ODAD2: variants seen among roughly 807,000 people sequenced by gnomAD.
The protein encoded by ODAD2 is outer dynein arm-docking complex subunit 2.
Under a neutral mutation model 106.8 loss-of-function variants are expected in ODAD2, and 89 were observed. The ratio of observed to expected loss-of-function variants is 0.83; its 90% CI spans 0.70 to 0.99. ODAD2 has a LOEUF of 0.99. ODAD2 is among the 50% of genes least tolerant of loss of function. ODAD2 has a pLI of 0.00. For synonymous variants in ODAD2, 404 were observed against 436.2 expected (o/e 0.93, Z 0.92); for missense variants, 1,168 against 1,238.5 (o/e 0.94, Z 0.85).
chr10:27,872,933 C>G (rs1440698096), intron 17 of ODAD2, among the ~76,000 whole-genome samples: 1 of 152,062 alleles, frequency 6.6e-6, no homozygotes, highest in African/African-American at 2.4e-5. Flanking sequence ...AAGGAATGGT[C>G]CCCGCTCCTC....
intron 16 of ODAD2, among the ~76,000 whole-genome samples, chr10:27,924,480 C>A (rs1251381929): frequency 6.8e-6 from 1 of 146,086 alleles, no homozygotes; most frequent in African/African-American, 2.5e-5. Context: ...CAAAAGAGAC[C>A]AAAATGAATA....
Position 27,984,166 on chromosome 10 carries a change from C to G in ODAD2, c.682+18G>C, listed in dbSNP as rs188215744. 89 of 1,567,894 alleles carry G rather than the reference C, an allele frequency of 5.7e-5. No homozygotes were observed. In the African/African-American group the frequency reaches 8.0e-4, roughly 14 times the overall value. On this transcript the variant is annotated intron_variant, in intron 5 of 19. Coordinates refer to ENST00000305242, the MANE Select transcript of ODAD2 (RefSeq NM_018076.5). ...GAAAATGTAAATAACATAAAATGAGCCTGAGAAAACATCAAACCTGAGGTA... is the reference window on the plus strand; with the variant it reads ...GAAAATGTAAATAACATAAAATGAGGCTGAGAAAACATCAAACCTGAGGTA...
intron 10 of ODAD2, 140 bp downstream of exon 10, chr10:27,961,428 C>A (rs1429833760): frequency 2.4e-6 from 2 of 833,004 alleles, no homozygotes; most frequent in Non-Finnish European, 3.7e-6. Flanking sequence ...CCTTGCCCTG[C>A]ACAAACTTAG....
chr10:27,977,550 G>A (rs142740541), intron 7 of ODAD2, among the ~76,000 whole-genome samples: 2,708 of 152,110 alleles, frequency 0.018, 79 homozygotes, highest in African/African-American at 0.062. Flanking sequence ...CAGCCTGAGT[G>A]ACAGAGGGAG....
intron 17 of ODAD2, among the ~76,000 whole-genome samples, chr10:27,898,423 C>T (rs1161386589): frequency 6.6e-6 from 1 of 151,988 alleles, no homozygotes; most frequent in East Asian, 1.9e-4. Flanking sequence ...TATTTCATTC[C>T]TTACATTATC....
At chr10:27,970,622 G>A (rs1210796418) in intron 8 of ODAD2, among the ~76,000 whole-genome samples, 1 of 152,054 alleles carries the variant, frequency 6.6e-6, no homozygotes, top group Non-Finnish European at 1.5e-5. Flanking sequence ...GAATCAACCT[G>A]CGCCTTGGAG....
At chr10:27,813,770 T>C (rs942820812) in intron 19 of ODAD2, among the ~76,000 whole-genome samples, 4 of 152,152 alleles carry the variant, frequency 2.6e-5, no homozygotes, top group African/African-American at 7.2e-5. Flanking sequence ...ATGATCATAT[T>C]TGTATTTTAG....
At chr10:27,974,086 A>C (rs1378145412) in intron 7 of ODAD2, among the ~76,000 whole-genome samples, 1 of 152,184 alleles carries the variant, frequency 6.6e-6, no homozygotes, top group Non-Finnish European at 1.5e-5. Flanking sequence ...TCTTCTTTTG[A>C]AAAGTATCTG....
At chr10:27,963,197 G>A (rs945241519) in intron 9 of ODAD2, among the ~76,000 whole-genome samples, 25 of 151,852 alleles carry the variant, frequency 1.6e-4, no homozygotes, top group East Asian at 3.9e-4. Context: ...TAGTAGTGAC[G>A]GGATTTTCAC....
chr10:27,941,596 G>T (rs985766467), intron 12 of ODAD2, among the ~76,000 whole-genome samples: 32 of 114,928 alleles, frequency 2.8e-4, no homozygotes, highest in South Asian at 2.2e-3. Flanking sequence ...CCAGCATCCA[G>T]TTTTTTTTTT....
intron 10 of ODAD2, among the ~76,000 whole-genome samples, chr10:27,960,004 C>T (rs1848012082): frequency 6.6e-6 from 1 of 151,852 alleles, no homozygotes; most frequent in South Asian, 2.1e-4. Context: ...GAAACATTAA[C>T]ACAAAATAAA....
chr10:27,923,950 GAAAGA>G (rs1214889749), intron 16 of ODAD2, among the ~76,000 whole-genome samples: 3 of 37,734 alleles, frequency 8.0e-5, no homozygotes, highest in Non-Finnish European at 1.5e-4. Flanking sequence ...TCTAATGAAA[GAAAGA>G]AAGAAAGAAA....
intron 17 of ODAD2, among the ~76,000 whole-genome samples, chr10:27,891,371 GT>G (rs1842551412): frequency 6.7e-6 from 1 of 149,790 alleles, no homozygotes; most frequent in South Asian, 2.1e-4. Context: ...AATTACTAGA[GT>G]TTTTTGTTTT....
At chr10:27,954,383 A>G (rs1397376130) in intron 10 of ODAD2, among the ~76,000 whole-genome samples, 1 of 152,230 alleles carries the variant, frequency 6.6e-6, no homozygotes, top group East Asian at 1.9e-4. Context: ...AAGCTGCCTT[A>G]GATATCACAG....
Position 27,916,135 on chromosome 10 carries a change from G to A in ODAD2, c.2496-8358C>T, listed in dbSNP as rs1229379062. ...AATATCCCCACTGAGAATTAGCCTGGTATGTGGGGACAGAGACTGAAAAGT... is the reference window on the plus strand; with the variant it reads ...AATATCCCCACTGAGAATTAGCCTGATATGTGGGGACAGAGACTGAAAAGT... On this transcript the variant is annotated intron_variant, in intron 16 of 19. Coordinates refer to ENST00000305242, the MANE Select transcript of ODAD2 (RefSeq NM_018076.5). Among the ~76,000 whole-genome samples, 5 of 152,090 alleles carry A rather than the reference G, an allele frequency of 3.3e-5. No homozygotes were observed. The East Asian group carries it at 9.7e-4, about 29-fold the overall frequency.
chr10:27,901,180 T>A (rs1426585649), intron 17 of ODAD2, among the ~76,000 whole-genome samples: 2 of 152,182 alleles, frequency 1.3e-5, no homozygotes, highest in Non-Finnish European at 2.9e-5. Context: ...AAGAAAAGAA[T>A]TTTCAACCCA....
intron 10 of ODAD2, among the ~76,000 whole-genome samples, chr10:27,960,855 C>T (rs886127394): frequency 6.6e-6 from 1 of 152,104 alleles, no homozygotes; most frequent in East Asian, 1.9e-4. Context: ...TACTTCTGGA[C>T]GTCGGCTTTA....
intron 19 of ODAD2, among the ~76,000 whole-genome samples, chr10:27,845,484 C>A (rs1457854384): frequency 3.9e-5 from 6 of 152,168 alleles, no homozygotes; most frequent in African/African-American, 1.2e-4. Flanking sequence ...AATGTAAAGA[C>A]CATCGATGCT....
In ODAD2 at chr10:27,931,084, A is replaced by T. The variant is rs572559654; in HGVS notation, c.2495+3926T>A. Reference sequence around the variant, plus strand: ...TGATGGCAAAGTCTTCACTTCTTCCAAGACCCATTCAATTCCCCTAATCTC... The same window carrying T: ...TGATGGCAAAGTCTTCACTTCTTCCTAGACCCATTCAATTCCCCTAATCTC... On this transcript the variant is annotated intron_variant, in intron 16 of 19. Coordinates refer to ENST00000305242, the MANE Select transcript of ODAD2 (RefSeq NM_018076.5). Among the ~76,000 whole-genome samples, 11 of 152,132 alleles carry T rather than the reference A, an allele frequency of 7.2e-5. No individual in the cohort carries two copies. In the South Asian group the frequency reaches 2.3e-3, roughly 32 times the overall value.
Sources: gnomAD v4.1 joint callset for allele counts (sites outside exome capture counted in the v4.1 genomes callset) on GRCh38, gnomAD v4.1.1 for gene constraint, MANE v1.5 for transcripts, NCBI Gene and HGNC (gene_info 2026-07-23, HGNC 2026-07-21) for gene names.